Variants in NFX1 observed in about 807,000 individuals in gnomAD.
NFX1 encodes the protein nuclear transcription factor, X-box binding 1.
A neutral mutation model predicts 137.2 loss-of-function variants in NFX1; 69 were observed. The ratio of observed to expected loss-of-function variants is 0.50; its 90% confidence interval spans 0.41 to 0.61. The LOEUF (loss-of-function observed/expected upper bound fraction) is 0.61, where lower values mean the gene tolerates loss of function less well. NFX1 is among the 20% of genes least tolerant of loss of function. The pLI is 0.00. For synonymous variants in NFX1, 495 were observed against 474.1 expected (o/e 1.04, Z -0.57); for missense variants, 1,167 against 1,391.0 (o/e 0.84, Z 2.56).
intron 7 of NFX1, among the ~76,000 whole-genome samples, chr9:33,317,096 T>C (rs2118367713): frequency 6.6e-6 from 1 of 152,214 alleles, no homozygotes; most frequent in African/African-American, 2.4e-5. Context: ...CTTTATTAAA[T>C]GAACAAATGA....
In NFX1 at chr9:33,352,724, G is replaced by A; in HGVS notation, c.2729+5G>A. The A allele has an allele frequency of 1.9e-6, 3 of 1,612,466 alleles. No individual in the cohort carries two copies. Among genetic ancestry groups the A allele is most frequent in the Non-Finnish European group, 2.5e-6 (3 of 1,178,526 alleles). On this transcript the variant is annotated splice_donor_5th_base_variant and intron_variant, in intron 17 of 23. Coordinates refer to ENST00000379540, the MANE Select transcript of NFX1 (RefSeq NM_002504.6). ...AGCATCTAGTACTTATCAAAGGTTA[G>A]TGTTACTTAAATGTTAACAACTGAT...
At chr9:33,341,296 C>T (rs1027317796) in intron 12 of NFX1, among the ~76,000 whole-genome samples, 2 of 152,066 alleles carry the variant, frequency 1.3e-5, no homozygotes, top group African/African-American at 2.4e-5. Flanking sequence ...CAGGGAAACT[C>T]GGCCTTATAA....
At position 33,358,472 on chromosome 9, in the gene NFX1, TTTTG is replaced by T. The variant is rs951091087; in HGVS notation, c.2873+3584_2873+3587del. On this transcript the variant is annotated intron_variant, in intron 19 of 23. Coordinates refer to ENST00000379540, the MANE Select transcript of NFX1 (RefSeq NM_002504.6). ...TTATTATTATTTAATGTGACAAGTGTTTTGTTTATTTTGTTTTTGACCAGGTTGA... is the reference window on the plus strand; with the variant it reads ...TTATTATTATTTAATGTGACAAGTGTTTTATTTTGTTTTTGACCAGGTTGA... 1.3e-4 allele frequency among the ~76,000 whole-genome samples: 20 copies of T among 152,026 alleles called. 1 individual carries two copies. The highest frequency in any genetic ancestry group is 6.8e-3 in the Middle Eastern group (2 of 294).
rs142459232 is a variant in NFX1 at position 33,355,431 on chromosome 9, G to T, written c.2873+539G>T. On this transcript the variant is annotated intron_variant, in intron 19 of 23. Transcript: ENST00000379540. ...AGATTAGTTTTTGAACTTTATGTAAGTGATGAAATCATGTAGTTTGTATTA... is the reference window on the plus strand; with the variant it reads ...AGATTAGTTTTTGAACTTTATGTAATTGATGAAATCATGTAGTTTGTATTA... Among the ~76,000 whole-genome samples the T allele has an allele frequency of 3.7e-3, 567 of 152,250 alleles. 1 individual carries two copies. The highest frequency in any genetic ancestry group is 0.013 in the African/African-American group (539 of 41,552).
chr9:33,349,105 T>G (rs1036881595), intron 15 of NFX1, among the ~76,000 whole-genome samples: 1 of 152,242 alleles, frequency 6.6e-6, no homozygotes, highest in African/African-American at 2.4e-5. Flanking sequence ...CATCAATGTG[T>G]TATCTTCGTA....
At chr9:33,344,008 T>C (rs2118585518) in intron 13 of NFX1, 61 bp from the exon 14 acceptor site, 6 of 1,608,226 alleles carry the variant, frequency 3.7e-6, no homozygotes, top group Non-Finnish European at 5.1e-6. Flanking sequence ...TGTGTGTTAG[T>C]ATGTACTTGC....
intron 2 of NFX1, among the ~76,000 whole-genome samples, chr9:33,300,156 G>A (rs1442898851): frequency 1.4e-5 from 2 of 147,960 alleles, no homozygotes; most frequent in Non-Finnish European, 3.0e-5. Flanking sequence ...CCGCCCCCGG[G>A]TTCAAGAGAT....
At chr9:33,313,187 A>G (rs758142916) in intron 6 of NFX1, among the ~76,000 whole-genome samples, 28 of 152,186 alleles carry the variant, frequency 1.8e-4, no homozygotes, top group Non-Finnish European at 3.2e-4. Flanking sequence ...TGGAACTCAG[A>G]GATGAAATCA....
intron 7 of NFX1, among the ~76,000 whole-genome samples, chr9:33,316,018 G>T (rs967627378): frequency 6.6e-6 from 1 of 152,116 alleles, no homozygotes; most frequent in African/African-American, 2.4e-5. Context: ...TGAGACGGAG[G>T]ACTGATTAAA....
intron 5 of NFX1, among the ~76,000 whole-genome samples, chr9:33,309,676 T>A (rs1821893735): frequency 6.6e-6 from 1 of 152,186 alleles, no homozygotes; most frequent in East Asian, 1.9e-4. Flanking sequence ...TGCCCAGGCT[T>A]GAGTGCAGTG....
chr9:33,315,087 G>A (rs1050805500), intron 7 of NFX1, among the ~76,000 whole-genome samples: 11 of 152,096 alleles, frequency 7.2e-5, no homozygotes, highest in African/African-American at 1.7e-4. Context: ...TAGTTGGGGC[G>A]TGTTGGCGGG....
intron 11 of NFX1, among the ~76,000 whole-genome samples, chr9:33,337,168 C>T (rs528610767): frequency 3.7e-4 from 56 of 152,294 alleles, no homozygotes; most frequent in African/African-American, 1.3e-3. Context: ...ACTCAGCCAG[C>T]CTTCCATATC....
At chr9:33,309,374 A>AT (rs1427824224) in intron 5 of NFX1, among the ~76,000 whole-genome samples, 4 of 142,508 alleles carry the variant, frequency 2.8e-5, no homozygotes, top group African/African-American at 1.0e-4. Flanking sequence ...AAAAAAAAAA[A>AT]CTTAATCCTC....
In NFX1 at chr9:33,352,342, A is replaced by T. The variant is rs1823666245; in HGVS notation, c.2656-304A>T. On this transcript the variant is annotated intron_variant, in intron 16 of 23. Coordinates refer to ENST00000379540, the MANE Select transcript of NFX1 (RefSeq NM_002504.6). Reference sequence around the variant, plus strand: ...GTTGGCTTGGAGTTGGCTAGGCCACAGTTGGGCCTAGGGCAAGTGTCTGTC... The same window carrying T: ...GTTGGCTTGGAGTTGGCTAGGCCACTGTTGGGCCTAGGGCAAGTGTCTGTC... 7 of 502,322 alleles carry T rather than the reference A, an allele frequency of 1.4e-5. 1 individual carries two copies. The highest frequency in any genetic ancestry group is 1.1e-4 in the South Asian group (7 of 61,830). The allele number at this position is 502,322 out of a possible 1,614,324, so 31.1% of individuals were successfully genotyped here.
At chr9:33,305,395 G>C (rs932236793) in intron 4 of NFX1, among the ~76,000 whole-genome samples, 7 of 152,240 alleles carry the variant, frequency 4.6e-5, no homozygotes, top group African/African-American at 9.6e-5. Flanking sequence ...TATATTGGGA[G>C]AAGAGTGATT....
chr9:33,328,749 G>A lies in NFX1; in HGVS notation c.2004+71G>A, dbSNP rs1650240920. 3.1e-6 allele frequency: 4 copies of A among 1,277,602 alleles called. No homozygotes were observed. In the East Asian group the frequency reaches 7.0e-5, roughly 23 times the overall value. 79.1% of individuals were successfully genotyped at this position (1,277,602 alleles called of 1,614,324 possible). Reference sequence around the variant, plus strand: ...TAAAATGGTGATTATGGGAGGGGAGGAATCAAAATAACCTCAGTAGATTAG... The same window carrying A: ...TAAAATGGTGATTATGGGAGGGGAGAAATCAAAATAACCTCAGTAGATTAG... On this transcript the variant is annotated intron_variant, in intron 10 of 23. Coordinates refer to ENST00000379540, the MANE Select transcript of NFX1 (RefSeq NM_002504.6).
chr9:33,317,973 C>CAAAAAAAAA (rs5897542), intron 7 of NFX1, among the ~76,000 whole-genome samples: 2 of 44,398 alleles, frequency 4.5e-5, no homozygotes, highest in South Asian at 3.5e-3. Flanking sequence ...GACTCTGTCT[C>CAAAAAAAAA]AAAAAAAAAA....
At chr9:33,329,109 G>T (rs1822705306) in intron 10 of NFX1, among the ~76,000 whole-genome samples, 1 of 152,192 alleles carries the variant, frequency 6.6e-6, no homozygotes, top group Non-Finnish European at 1.5e-5. Context: ...ACAAGGAAAA[G>T]GATACAGATT....
chr9:33,337,908 G>A (rs916359410), intron 11 of NFX1, among the ~76,000 whole-genome samples: 9 of 152,120 alleles, frequency 5.9e-5, no homozygotes, highest in African/African-American at 1.9e-4. Flanking sequence ...AATTAGCCGG[G>A]CGTGGTGGCG....
Sources: gnomAD v4.1 joint callset for allele counts (sites outside exome capture counted in the v4.1 genomes callset) on GRCh38, gnomAD v4.1.1 for gene constraint, MANE v1.5 for transcripts, NCBI Gene and HGNC (gene_info 2026-07-23, HGNC 2026-07-21) for gene names.